TRIO: variants seen among roughly 807,000 people sequenced by gnomAD.
The protein encoded by TRIO is trio Rho guanine nucleotide exchange factor.
In TRIO, 58 loss-of-function variants were observed where a neutral mutation model predicts 351.9. The observed-to-expected ratio is 0.16, with a 90% confidence interval of 0.13 to 0.21. The LOEUF (loss-of-function observed/expected upper bound fraction) is 0.21. Among genes scored for constraint, TRIO ranks in the 10% least tolerant of loss-of-function variants. The pLI is 1.00. For missense variants in TRIO, 3,201 were observed against 4,027.8 expected (o/e 0.79, Z 5.56); for synonymous variants, 1,758 against 1,595.7 (o/e 1.10, Z -2.42).
At chr5:14,467,675 G>A (rs1021594167) in intron 37 of TRIO, among the ~76,000 whole-genome samples, 3 of 152,118 alleles carry the variant, frequency 2.0e-5, no homozygotes, top group African/African-American at 7.2e-5. Flanking sequence ...TCAGCTGGGT[G>A]TGGTAGCATG....
rs113803339 is a variant in TRIO at position 14,234,480 on chromosome 5, C to T, written c.158-36345C>T. 2.4e-3 allele frequency among the ~76,000 whole-genome samples: 369 copies of T among 152,210 alleles called. 3 individuals carry two copies. Among genetic ancestry groups the T allele is most frequent in the African/African-American group, 7.8e-3 (326 of 41,536 alleles). On this transcript the variant is annotated intron_variant, in intron 1 of 56. Coordinates refer to ENST00000344204, the MANE Select transcript of TRIO (RefSeq NM_007118.4). ...GTCTGATGTTTGCCGGAGGTAGCCC[C>T]GTGAGCAGGTTTTGCAATCTCAGTA...
intron 1 of TRIO, among the ~76,000 whole-genome samples, chr5:14,175,726 C>T (rs923438163): frequency 6.6e-6 from 1 of 152,172 alleles, no homozygotes; most frequent in African/African-American, 2.4e-5. Context: ...GGAAACTCCC[C>T]TGTACAATAA....
chr5:14,406,601 G>A lies in TRIO; in HGVS notation c.4888G>A (p.Asp1630Asn), dbSNP rs1445568217. Residue 1630 changes from aspartate (D) to asparagine (N), a missense_variant, in exon 33 of 57, where the codon GAC becomes AAC. Physicochemically the swap from Asp to Asn is conservative, Grantham distance 23. This residue lies in a region of TRIO where 136 missense variants were observed against 229.5 expected (regional missense o/e 0.59). Transcript: ENST00000344204. Reference sequence around the variant, plus strand: ...TGGAGAGGATCTGGACAGCCAAGGAGACGGCAGCAGCCAGCCTGATACGAT... The same window carrying A: ...TGGAGAGGATCTGGACAGCCAAGGAAACGGCAGCAGCCAGCCTGATACGAT... ...RDGEDLDSQG[D>N]GSSQPDTISI... The A allele has an allele frequency of 6.2e-7, 1 of 1,614,104 alleles. No individual in the cohort carries two copies.
At chr5:14,400,898 G>A in intron 30 of TRIO, 65 bp from the exon 31 acceptor site, 1 of 1,490,046 alleles carries the variant, frequency 6.7e-7, no homozygotes, top group Non-Finnish European at 9.3e-7. Flanking sequence ...TGTTTCCTTG[G>A]TCTCTGTTCT....
chr5:14,470,124 TTAAC>T (rs1378013016), intron 37 of TRIO, among the ~76,000 whole-genome samples: 1 of 152,250 alleles, frequency 6.6e-6, no homozygotes, highest in African/African-American at 2.4e-5. Context: ...ACTCTGTTCC[TTAAC>T]TAACTTAATG....
chr5:14,293,191 G>A (rs1013974906), intron 6 of TRIO, 57 bp downstream of exon 6: 55 of 1,610,536 alleles, frequency 3.4e-5, no homozygotes, highest in Non-Finnish European at 4.6e-5. Context: ...GCAAATGGGA[G>A]GCATTTGGCA....
chr5:14,253,120 G>A (rs1794835522), intron 1 of TRIO, among the ~76,000 whole-genome samples: 1 of 152,208 alleles, frequency 6.6e-6, no homozygotes, highest in South Asian at 2.1e-4. Context: ...CTCTGCTCAA[G>A]AAAAGGAAAT....
chr5:14,482,795 T>C (rs1285380320), intron 46 of TRIO, 22 bp downstream of exon 46: 1 of 1,521,946 alleles, frequency 6.6e-7, no homozygotes, highest in Admixed American at 1.9e-5. Flanking sequence ...CTCTGTGTGA[T>C]TTCTCTGTGC....
intron 1 of TRIO, among the ~76,000 whole-genome samples, chr5:14,251,792 G>C (rs573483604): frequency 6.6e-6 from 1 of 152,280 alleles, no homozygotes; most frequent in South Asian, 2.1e-4. Context: ...AGTAACAGAT[G>C]AAGCAGGTGT....
intron 48 of TRIO, among the ~76,000 whole-genome samples, chr5:14,490,992 G>A (rs975873946): frequency 1.1e-4 from 17 of 152,318 alleles, no homozygotes; most frequent in Non-Finnish European, 2.1e-4. Flanking sequence ...AAGAGCCACA[G>A]GCAAACAGTG....
chr5:14,385,162 G>A (rs1367885763), intron 21 of TRIO, among the ~76,000 whole-genome samples: 1 of 152,206 alleles, frequency 6.6e-6, no homozygotes, highest in Non-Finnish European at 1.5e-5. Context: ...GCCTCCGGTG[G>A]CATCTTCCTG....
intron 42 of TRIO, 29 bp from the exon 43 acceptor site, chr5:14,479,890 A>G (rs1247043482): frequency 1.2e-6 from 2 of 1,610,528 alleles, no homozygotes; most frequent in Non-Finnish European, 1.7e-6. Context: ...AACAGCCCAT[A>G]CGATCTTTTC....
chr5:14,208,140 C>T (rs1363203444), intron 1 of TRIO, among the ~76,000 whole-genome samples: 1 of 152,082 alleles, frequency 6.6e-6, no homozygotes, highest in Non-Finnish European at 1.5e-5. Context: ...TTTGAACCAG[C>T]AGTTTCACTC....
chr5:14,293,731 C>T (rs902906467), intron 6 of TRIO, among the ~76,000 whole-genome samples: 3 of 152,194 alleles, frequency 2.0e-5, no homozygotes, highest in African/African-American at 7.2e-5. Context: ...TGTAGGACTA[C>T]ATCACAGAAA....
chr5:14,306,181 GTTTC>G (rs1738357034), intron 8 of TRIO, among the ~76,000 whole-genome samples: 1 of 146,082 alleles, frequency 6.8e-6, no homozygotes, highest in Admixed American at 6.7e-5. Flanking sequence ...GTATTTGTTT[GTTTC>G]TTTAGCCACC....
At chr5:14,443,242 TTGA>T (rs1189302679) in intron 34 of TRIO, among the ~76,000 whole-genome samples, 1 of 152,164 alleles carries the variant, frequency 6.6e-6, no homozygotes, top group Non-Finnish European at 1.5e-5. Flanking sequence ...GTAAGAAAAA[TTGA>T]TGACCCGTGT....
chr5:14,316,717 T>G lies in TRIO; in HGVS notation c.1705T>G (p.Cys569Gly), dbSNP rs969344896. The G allele has an allele frequency of 1.2e-6, 2 of 1,613,908 alleles. No homozygotes were observed. Among genetic ancestry groups the G allele is most frequent in the African/African-American group, 2.7e-5 (2 of 74,946 alleles). ...KVRLHQRLQL[C>G]VFQQDVQQVL... is the part of the protein sequence containing the mutation. ...CCGGCTGCATCAGAGGCTGCAGCTGTGTGTTTTCCAGCAGGACGTTCAGCA... is the reference window on the plus strand; with the variant it reads ...CCGGCTGCATCAGAGGCTGCAGCTGGGTGTTTTCCAGCAGGACGTTCAGCA... Residue 569 changes from cysteine to glycine, a missense_variant, in exon 9 of 57, where the codon TGT becomes GGT. Cys to Gly is a radical substitution (Grantham distance 159, BLOSUM62 -3). Around this residue, in one of 19 missense-constraint regions of TRIO, gnomAD observed 38 missense variants for 93.4 expected, o/e 0.41. Transcript: ENST00000344204.
intron 14 of TRIO, 132 bp from the exon 15 acceptor site, chr5:14,364,518 G>T: frequency 9.2e-7 from 1 of 1,081,356 alleles, no homozygotes; most frequent in Non-Finnish European, 1.3e-6. Context: ...CCTTGAACTT[G>T]CCCTTCAGCA....
intron 37 of TRIO, among the ~76,000 whole-genome samples, chr5:14,470,242 T>C (rs1165212894): frequency 6.6e-6 from 1 of 152,252 alleles, no homozygotes; most frequent in East Asian, 1.9e-4. Context: ...CTCAAAGCTC[T>C]GCTTAACAAT....
Sources: allele counts gnomAD v4.1 joint callset (sites outside exome capture counted in the v4.1 genomes callset), GRCh38; gene constraint gnomAD v4.1.1; regional missense constraint gnomAD v4.1.1; transcripts MANE v1.5; gene names NCBI Gene and HGNC (gene_info 2026-07-23, HGNC 2026-07-21).